Variants in REELD1 observed in about 807,000 individuals in gnomAD.
REELD1 encodes the protein reeler domain containing 1.
A neutral mutation model predicts 6.3 loss-of-function variants in REELD1; 12 were observed. The ratio of observed to expected loss-of-function variants is 1.89; its 90% confidence interval spans 1.21 to 3.07. The LOEUF (loss-of-function observed/expected upper bound fraction) is 3.07. Among genes scored for constraint, REELD1 ranks in the 30% most tolerant of loss-of-function variants. REELD1 has a pLI of 0.00. For missense variants in REELD1, 163 were observed against 86.8 expected, an observed-to-expected ratio of 1.88 and a Z score of -3.49; for synonymous variants, 57 against 33.6, an observed-to-expected ratio of 1.70 and a Z score of -2.42.
At chr4:146,215,940 A>G (rs1730818665) in intron 2 of REELD1, among the ~76,000 whole-genome samples, 1 of 152,098 alleles carries the variant, frequency 6.6e-6, no homozygotes, top group African/African-American at 2.4e-5. Flanking sequence ...TAGTAAAGAC[A>G]GGGTTTCACC....
In REELD1 at chr4:146,230,554, C is replaced by A. The variant is rs537879379; in HGVS notation, c.*41C>A. On this transcript the variant is annotated 3_prime_UTR_variant, in exon 8 of 8. Transcript: ENST00000623665. ...AGACCTCTCAGTGGCCCTCCTTGGG[C>A]CCTGGAGAGTGTCCCAGACAGAGCA... 6 of 398,394 alleles carry A rather than the reference C, an allele frequency of 1.5e-5. No individual in the cohort carries two copies. Among genetic ancestry groups the A allele is most frequent in the East Asian group, 1.4e-4 (4 of 28,068 alleles). 24.7% of individuals were successfully genotyped at this position (398,394 alleles called of 1,614,324 possible). A position where few individuals can be genotyped will look rare whatever the true frequency, so the allele number is the denominator to read the frequency against.
intron 4 of REELD1, among the ~76,000 whole-genome samples, chr4:146,223,816 C>T (rs566560694): frequency 1.2e-4 from 19 of 152,316 alleles, no homozygotes; most frequent in Admixed American, 2.6e-4. Flanking sequence ...TGGGTGACTT[C>T]GGCCAAATTA....
At chr4:146,221,457 A>T (rs1296463426) in intron 3 of REELD1, among the ~76,000 whole-genome samples, 1 of 152,228 alleles carries the variant, frequency 6.6e-6, no homozygotes, top group Non-Finnish European at 1.5e-5. Context: ...CTAGTGAATG[A>T]ATGCCCTAGT....
At chr4:146,229,793 T>A (rs1471008634) in intron 7 of REELD1, 112 bp from the exon 8 acceptor site, 2 of 396,634 alleles carry the variant, frequency 5.0e-6, no homozygotes, top group Non-Finnish European at 8.9e-6. Flanking sequence ...AGAGACTGGG[T>A]TTTTAGCTGC....
chr4:146,228,155 C>T (rs930978019), intron 5 of REELD1, 55 bp from the exon 6 acceptor site: 11 of 665,062 alleles, frequency 1.7e-5, no homozygotes, highest in South Asian at 3.3e-5. Context: ...TTGTAACAAT[C>T]GATGCGGGGA....
intron 3 of REELD1, among the ~76,000 whole-genome samples, chr4:146,220,809 G>T (rs1730911197): frequency 2.6e-5 from 4 of 152,178 alleles, no homozygotes; most frequent in Non-Finnish European, 5.9e-5. Context: ...CATCCCCTGG[G>T]GAAAAGGAGA....
intron 3 of REELD1, among the ~76,000 whole-genome samples, chr4:146,218,745 T>A (rs1401901626): frequency 1.3e-5 from 2 of 152,166 alleles, no homozygotes; most frequent in Non-Finnish European, 2.9e-5. Flanking sequence ...GGCCACTTCT[T>A]TGGGGGCTCC....
chr4:146,228,958 T>C (rs1731077596), intron 6 of REELD1, 67 bp from the exon 7 acceptor site: 3 of 701,248 alleles, frequency 4.3e-6, no homozygotes, highest in South Asian at 3.0e-5. Flanking sequence ...ACAACTGTGG[T>C]AGGAAACATT....
At chr4:146,218,185 C>G (rs888672010) in intron 3 of REELD1, among the ~76,000 whole-genome samples, 5 of 152,206 alleles carry the variant, frequency 3.3e-5, no homozygotes, top group Non-Finnish European at 5.9e-5. Context: ...ATGTGAAACA[C>G]CTCTGAATCA....
At chr4:146,219,827 CAAATT>C (rs1482932932) in intron 3 of REELD1, among the ~76,000 whole-genome samples, 1 of 152,104 alleles carries the variant, frequency 6.6e-6, no homozygotes, top group East Asian at 1.9e-4. Flanking sequence ...AGTGAGATCT[CAAATT>C]AATATAATCT....
chr4:146,228,959 A>G (rs1731077646), intron 6 of REELD1, 66 bp from the exon 7 acceptor site: 2 of 701,336 alleles, frequency 2.9e-6, no homozygotes, highest in Non-Finnish European at 5.2e-6. Flanking sequence ...CAACTGTGGT[A>G]GGAAACATTG....
rs192686938 is a variant in REELD1 at position 146,229,996 on chromosome 4, C to G, written c.1064C>G (p.Thr355Ser). ...CCCCAGTGCCTCTGGTCCTCTGAAA[C>G]TTTCACAGGGAATGGGGTCAGGGCA... The part of the protein sequence containing the change: ...TYPQCLWSSE[T>S]FTGNGVRASN... The change falls in exon 8 of 8, where the codon ACT (threonine) becomes AGT (serine). Residue 355 changes from threonine (T) to serine (S), a missense_variant. Physicochemically the swap from Thr to Ser is moderately conservative, Grantham distance 58. Coordinates refer to ENST00000623665, the MANE Select transcript of REELD1 (RefSeq NM_001354631.1). 362 of 398,730 alleles carry G rather than the reference C, an allele frequency of 9.1e-4. 2 individuals carry two copies. Among genetic ancestry groups the G allele is most frequent in the South Asian group, 2.5e-4 (2 of 7,864 alleles). 24.7% of individuals were successfully genotyped at this position (398,730 alleles called of 1,614,324 possible). A position where few individuals can be genotyped will look rare whatever the true frequency, so the allele number is the denominator to read the frequency against.
intron 3 of REELD1, among the ~76,000 whole-genome samples, chr4:146,221,857 C>T (rs78886149): frequency 7.1e-6 from 1 of 141,768 alleles, no homozygotes; most frequent in East Asian, 2.0e-4. Flanking sequence ...GACTCTGTCT[C>T]AAAAAAAAAA....
chr4:146,221,970 A>T (rs1252765269), intron 3 of REELD1, among the ~76,000 whole-genome samples: 4 of 151,974 alleles, frequency 2.6e-5, no homozygotes, highest in Non-Finnish European at 5.9e-5. Flanking sequence ...TGTCTGTTTT[A>T]TGTCTTACAA....
chr4:146,232,190 G>C lies in REELD1; in HGVS notation c.*1677G>C, dbSNP rs574222911. The C allele has an allele frequency of 6.6e-6, 1 of 152,304 alleles. No individual in the cohort carries two copies. Among genetic ancestry groups the C allele is most frequent in the African/African-American group, 2.4e-5 (1 of 41,572 alleles). 9.4% of individuals were successfully genotyped at this position (152,304 alleles called of 1,614,324 possible). ...AAGAGAGAATTTTCCTATGTAAACAGACTGTTTTGCTTGTCTATTGATGTG... is the reference window on the plus strand; with the variant it reads ...AAGAGAGAATTTTCCTATGTAAACACACTGTTTTGCTTGTCTATTGATGTG... On this transcript the variant is annotated 3_prime_UTR_variant, in exon 8 of 8. Coordinates refer to ENST00000623665, the MANE Select transcript of REELD1 (RefSeq NM_001354631.1).
In REELD1 at chr4:146,228,885, T is replaced by G. The variant is rs1034885807; in HGVS notation, c.909-140T>G. 1.9e-5 allele frequency: 12 copies of G among 620,790 alleles called. No homozygotes were observed. In the Admixed American group the frequency reaches 2.9e-4, roughly 15 times the overall value. The allele number at this position is 620,790 out of a possible 1,614,324, so 38.5% of individuals were successfully genotyped here. ...TCTCACTCATCTCTCCCCTTCCTCT[T>G]CTCTATGGTTCCTGACTCCAAAATC... On this transcript the variant is annotated intron_variant, in intron 6 of 7. Coordinates refer to ENST00000623665, the MANE Select transcript of REELD1 (RefSeq NM_001354631.1).
In REELD1 at chr4:146,231,046, A is replaced by G. The variant is rs189265814; in HGVS notation, c.*533A>G. Among the ~76,000 whole-genome samples the G allele has an allele frequency of 1.6e-3, 249 of 152,372 alleles. No individual in the cohort carries two copies. The highest frequency in any genetic ancestry group is 2.8e-3 in the Non-Finnish European group (193 of 68,036). On this transcript the variant is annotated 3_prime_UTR_variant, in exon 8 of 8. Coordinates refer to ENST00000623665, the MANE Select transcript of REELD1 (RefSeq NM_001354631.1). ...TGCTAGAGTTCTGATTTGGATGACT[A>G]GGTGAATGCAAGGGTATTTGGTCTT...
rs762126981 is a variant in REELD1, at chr4:146,229,954, C to T, written c.1022C>T (p.Thr341Ile). Residue 341 changes from threonine (T) to isoleucine (I), a missense_variant, in exon 8 of 8, where the codon ACC (threonine) becomes ATC (isoleucine). Thr to Ile is a moderately conservative substitution (Grantham distance 89). Coordinates refer to ENST00000623665, the MANE Select transcript of REELD1 (RefSeq NM_001354631.1). ...NRTVTQPPLSTVQLTYPQCLW... is the reference protein window; with the variant it reads ...NRTVTQPPLSIVQLTYPQCLW... ...ACCGTGACACAGCCTCCTCTGTCCA[C>T]CGTCCAGCTTACCTATCCCCAGTGC... The T allele has an allele frequency of 2.5e-6, 1 of 398,776 alleles. No individual in the cohort carries two copies. Among genetic ancestry groups the T allele is most frequent in the Non-Finnish European group, 4.4e-6 (1 of 226,174 alleles). 24.7% of individuals were successfully genotyped at this position (398,776 alleles called of 1,614,324 possible).
chr4:146,227,540 G>C (rs1380843993), intron 5 of REELD1, among the ~76,000 whole-genome samples: 1 of 152,186 alleles, frequency 6.6e-6, no homozygotes, highest in Non-Finnish European at 1.5e-5. Context: ...TCCTATGCTG[G>C]CCTCATTTTG....
Sources: allele counts gnomAD v4.1 joint callset (sites outside exome capture counted in the v4.1 genomes callset), GRCh38; gene constraint gnomAD v4.1.1; transcripts MANE v1.5; gene names NCBI Gene and HGNC (gene_info 2026-07-23, HGNC 2026-07-21).